CEMIP: variants seen among roughly 807,000 people sequenced by gnomAD.
CEMIP encodes cell migration-inducing and hyaluronan-binding protein.
In CEMIP, 105 loss-of-function variants were observed where a neutral mutation model predicts 156.9. The observed-to-expected ratio is 0.67, with a 90% confidence interval of 0.57 to 0.79. CEMIP has a LOEUF of 0.79. CEMIP is among the 30% of genes least tolerant of loss of function. CEMIP has a pLI of 0.00. For synonymous variants in CEMIP, 676 were observed against 668.4 expected (o/e 1.01, Z -0.17); for missense variants, 1,457 against 1,769.4 (o/e 0.82, Z 3.17).
chr15:80,861,382 G>C (rs189020291), intron 1 of CEMIP, among the ~76,000 whole-genome samples: 5 of 152,180 alleles, frequency 3.3e-5, no homozygotes, highest in African/African-American at 9.7e-5. Context: ...ACTTTGCACT[G>C]AAGGTGCTTC....
intron 1 of CEMIP, among the ~76,000 whole-genome samples, chr15:80,872,715 T>C (rs950970227): frequency 4.6e-5 from 7 of 151,868 alleles, no homozygotes; most frequent in South Asian, 4.1e-4. Flanking sequence ...CTGGGGAGGC[T>C]GAGGCAGGAG....
chr15:80,780,708 C>T (rs1297956359), intron 1 of CEMIP, among the ~76,000 whole-genome samples: 1 of 152,212 alleles, frequency 6.6e-6, no homozygotes, highest in Non-Finnish European at 1.5e-5. Flanking sequence ...TCCATCCCTG[C>T]GGTCTGGAAA....
intron 1 of CEMIP, among the ~76,000 whole-genome samples, chr15:80,822,966 G>T (rs191499968): frequency 9.2e-5 from 14 of 152,272 alleles, no homozygotes; most frequent in Non-Finnish European, 5.9e-5. Context: ...GAGTCCAGGG[G>T]CCAGAATCCA....
intron 12 of CEMIP, chr15:80,896,335 TC>T (rs1315590999): frequency 3.3e-6 from 2 of 599,754 alleles, no homozygotes; most frequent in Admixed American, 4.3e-5. Flanking sequence ...CAAAACATAT[TC>T]TTCTCACGGG....
In CEMIP at chr15:80,928,912, A is replaced by G; in HGVS notation, c.2431A>G (p.Asn811Asp). Residue 811 changes from asparagine to aspartate, a missense_variant, in exon 20 of 30, where the codon AAT becomes GAT. Physicochemically the swap from Asn to Asp is conservative, Grantham distance 23. This residue lies in a region of CEMIP where 798 missense variants were observed against 980.1 expected (regional missense o/e 0.81). Transcript: ENST00000394685. The part of the protein sequence containing the change: ...VWLDSCRFAD[N>D]GIGLTLASGG... ...TGCTCTTGCCCACAGGTTTGCTGAC[A>G]ATGGCATTGGCCTGACCCTGGCCAG... 2 of 1,614,084 alleles carry G rather than the reference A, an allele frequency of 1.2e-6. No individual in the cohort carries two copies. Among genetic ancestry groups the G allele is most frequent in the Non-Finnish European group, 1.7e-6 (2 of 1,180,038 alleles).
At chr15:80,888,860 T>C in intron 9 of CEMIP, 64 bp downstream of exon 9, 1 of 1,321,264 alleles carries the variant, frequency 7.6e-7, no homozygotes, top group Non-Finnish European at 1.1e-6. Context: ...AATCACTGTC[T>C]TTGCAGAACT....
rs1257932368 is a variant in CEMIP, at chr15:80,920,203, G to A, written c.1907G>A (p.Gly636Glu). ...TGTCTTGGCCTCCTTGTCAAGTCTG[G>A]AACCCTCCTCCCCTCGGACCGTGAC... is the stretch of plus-strand genomic sequence containing the variant. ...DHCLGLLVKS[G>E]TLLPSDRDSK... The change falls in exon 15 of 30, where the codon GGA becomes GAA. Residue 636 changes from glycine (G) to glutamate (E), a missense_variant. Physicochemically the swap from Gly to Glu is moderately conservative, Grantham distance 98. Coordinates refer to ENST00000394685, the MANE Select transcript of CEMIP (RefSeq NM_001293298.2). 6.2e-7 allele frequency: 1 copy of A among 1,614,166 alleles called. No homozygotes were observed. The highest frequency in any genetic ancestry group is 8.5e-7 in the Non-Finnish European group (1 of 1,180,032).
chr15:80,892,734 T>C (rs774440632), intron 10 of CEMIP, among the ~76,000 whole-genome samples: 3 of 152,238 alleles, frequency 2.0e-5, no homozygotes, highest in Non-Finnish European at 2.9e-5. Context: ...GCCTTAAATT[T>C]TGTGCCCTGG....
At chr15:80,818,695 C>T (rs1896845659) in intron 1 of CEMIP, among the ~76,000 whole-genome samples, 3 of 152,200 alleles carry the variant, frequency 2.0e-5, no homozygotes, top group African/African-American at 7.2e-5. Flanking sequence ...CTGGAGAAGT[C>T]TCACCTCGTG....
At chr15:80,930,548 A>G (rs186662194) in intron 21 of CEMIP, among the ~76,000 whole-genome samples, 1 of 152,356 alleles carries the variant, frequency 6.6e-6, no homozygotes, top group East Asian at 1.9e-4. Context: ...GAGCTAGTAA[A>G]AATGGACTGT....
intron 1 of CEMIP, among the ~76,000 whole-genome samples, chr15:80,834,182 A>G (rs1399518151): frequency 6.6e-6 from 1 of 152,162 alleles, no homozygotes; most frequent in Non-Finnish European, 1.5e-5. Context: ...GTTGAAAGCC[A>G]CTGATTTCTC....
chr15:80,907,787 A>G (rs569090296), intron 13 of CEMIP, among the ~76,000 whole-genome samples: 2 of 152,362 alleles, frequency 1.3e-5, no homozygotes, highest in East Asian at 1.9e-4. Flanking sequence ...GGCATATTAT[A>G]TTGCTTAAGA....
chr15:80,946,885 C>A, intron 28 of CEMIP, 80 bp from the exon 29 acceptor site: 1 of 937,914 alleles, frequency 1.1e-6, no homozygotes. Context: ...TCCCACCATG[C>A]ACAAACCAAC....
In CEMIP at chr15:80,936,753, TG is replaced by T. The variant is rs1352215722; in HGVS notation, c.3091del (p.Glu1031ArgfsTer71). ...GACTTCCCCAGCCACCCTCTTTACC[TG>T]GAGGGGGCGCTCACCAGGAGCACCC... ...KNDFPSHPLY[L>X]EGALTRSTHY... On this transcript the variant is annotated frameshift_variant, in exon 24 of 30. Coordinates refer to ENST00000394685, the MANE Select transcript of CEMIP (RefSeq NM_001293298.2). LOFTEE classifies it high-confidence loss of function. 3.7e-6 allele frequency: 6 copies of T among 1,614,022 alleles called. No individual in the cohort carries two copies. Among genetic ancestry groups the T allele is most frequent in the Non-Finnish European group, 5.1e-6 (6 of 1,179,992 alleles).
chr15:80,887,267 G>T (rs1005814351), intron 7 of CEMIP, among the ~76,000 whole-genome samples: 1 of 152,050 alleles, frequency 6.6e-6, no homozygotes, highest in Non-Finnish European at 1.5e-5. Context: ...TATTTTCCTC[G>T]AGCTCAACTC....
At chr15:80,844,891 G>A (rs1290420531) in intron 1 of CEMIP, among the ~76,000 whole-genome samples, 1 of 152,180 alleles carries the variant, frequency 6.6e-6, no homozygotes, top group Non-Finnish European at 1.5e-5. Flanking sequence ...CCCATGGGCA[G>A]GACTCAGAGC....
At chr15:80,785,026 A>C (rs947797131) in intron 1 of CEMIP, among the ~76,000 whole-genome samples, 1 of 152,200 alleles carries the variant, frequency 6.6e-6, no homozygotes, top group Non-Finnish European at 1.5e-5. Flanking sequence ...AAGCCATCTT[A>C]TCAGCAGACT....
chr15:80,804,318 CT>C (rs1165060210), intron 1 of CEMIP, among the ~76,000 whole-genome samples: 3 of 152,156 alleles, frequency 2.0e-5, no homozygotes, highest in Admixed American at 1.3e-4. Flanking sequence ...TTTTCAGTGC[CT>C]TTTTTGTAAA....
At chr15:80,841,367 G>T (rs1897412176) in intron 1 of CEMIP, among the ~76,000 whole-genome samples, 1 of 152,152 alleles carries the variant, frequency 6.6e-6, no homozygotes, top group Non-Finnish European at 1.5e-5. Context: ...ATGGGTTGGG[G>T]GTGGAGAAAA....
Sources: gnomAD v4.1 joint callset for allele counts (sites outside exome capture counted in the v4.1 genomes callset) on GRCh38, gnomAD v4.1.1 for gene constraint, gnomAD v4.1.1 regional missense constraint, MANE v1.5 for transcripts, NCBI Gene and HGNC (gene_info 2026-07-23, HGNC 2026-07-21) for gene names.